The following RPS6KC1 variants were observed in gnomAD, a reference collection of about 807,000 sequenced individuals.
RPS6KC1 encodes the protein inactive ribosomal protein S6 kinase delta-1.
A neutral mutation model predicts 103.8 loss-of-function variants in RPS6KC1; 54 were observed. The ratio of observed to expected loss-of-function variants is 0.52; its 90% CI spans 0.42 to 0.65. The LOEUF (loss-of-function observed/expected upper bound fraction) is 0.65. RPS6KC1 is among the 30% of genes least tolerant of loss of function. The pLI is 0.00. For synonymous variants in RPS6KC1, 439 were observed against 438.7 expected (o/e 1.00, Z -0.01); for missense variants, 1,151 against 1,253.8 (o/e 0.92, Z 1.24).
At chr1:213,486,942 A>T in the RPS6KC1 span, among the ~76,000 whole-genome samples, 1 of 152,250 alleles carries the variant, frequency 6.6e-6, no homozygotes, top group Non-Finnish European at 1.5e-5. Context: ...GTTCTAAGGT[A>T]TAATAGAACA....
At chr1:213,298,297 G>A in the RPS6KC1 span, among the ~76,000 whole-genome samples, 1 of 152,182 alleles carries the variant, frequency 6.6e-6, no homozygotes, top group Non-Finnish European at 1.5e-5. Flanking sequence ...GCTTGGTATA[G>A]CATTTAAACT....
At chr1:213,230,451 G>A in intron 8 of RPS6KC1, 46 bp from the exon 9 acceptor site, 1 of 1,394,982 alleles carries the variant, frequency 7.2e-7, no homozygotes, top group South Asian at 1.2e-5. Flanking sequence ...AAGAGTTAAT[G>A]TTTCATTGTA....
the RPS6KC1 span, among the ~76,000 whole-genome samples, chr1:213,484,341 G>A: frequency 6.6e-6 from 1 of 152,174 alleles, no homozygotes; most frequent in Non-Finnish European, 1.5e-5. Flanking sequence ...TCATCTGAAG[G>A]CTTTAATGGG....
chr1:213,066,945 C>T (rs983538640), intron 1 of RPS6KC1, among the ~76,000 whole-genome samples: 1 of 152,218 alleles, frequency 6.6e-6, no homozygotes, highest in Admixed American at 6.5e-5. Flanking sequence ...CCATTCTCTT[C>T]AAAGTCACCC....
intron 8 of RPS6KC1, among the ~76,000 whole-genome samples, chr1:213,216,987 CA>C (rs1424947529): frequency 1.3e-4 from 19 of 151,712 alleles, no homozygotes; most frequent in Non-Finnish European, 2.5e-4. Flanking sequence ...CAAACACATT[CA>C]AAAGCTAGCA....
At chr1:213,151,962 T>C (rs2089092691) in intron 6 of RPS6KC1, among the ~76,000 whole-genome samples, 2 of 118,708 alleles carry the variant, frequency 1.7e-5, no homozygotes, top group African/African-American at 3.4e-5. Flanking sequence ...ATGGGGCGGC[T>C]GGCCGGGCAG....
chr1:213,214,678 C>T (rs1376049353), intron 8 of RPS6KC1, among the ~76,000 whole-genome samples: 1 of 152,194 alleles, frequency 6.6e-6, no homozygotes, highest in Non-Finnish European at 1.5e-5. Context: ...TGAGACAAAA[C>T]TTCCAGAAGA....
At chr1:213,451,239 T>C in the RPS6KC1 span, among the ~76,000 whole-genome samples, 2 of 152,236 alleles carry the variant, frequency 1.3e-5, no homozygotes, top group Non-Finnish European at 2.9e-5. Flanking sequence ...TTATTTAATG[T>C]TCTGAAATAG....
At chr1:213,436,143 C>T in the RPS6KC1 span, among the ~76,000 whole-genome samples, 1 of 152,288 alleles carries the variant, frequency 6.6e-6, no homozygotes, top group Non-Finnish European at 1.5e-5. Flanking sequence ...GCTGGCTTTC[C>T]AGTCCCTCTG....
At chr1:213,081,360 A>G (rs1046885800) in intron 3 of RPS6KC1, among the ~76,000 whole-genome samples, 2 of 152,148 alleles carry the variant, frequency 1.3e-5, no homozygotes, top group Non-Finnish European at 2.9e-5. Flanking sequence ...GAGAGAGAGG[A>G]GGAGGTGCCA....
chr1:213,534,440 T>C, the RPS6KC1 span, among the ~76,000 whole-genome samples: 1 of 152,190 alleles, frequency 6.6e-6, no homozygotes, highest in Non-Finnish European at 1.5e-5. Flanking sequence ...GATGAGGAAA[T>C]AGCCACAGAG....
At chr1:213,854,562 T>TTCTTTCTTTCTTTCTC in the RPS6KC1 span, among the ~76,000 whole-genome samples, 27 of 122,610 alleles carry the variant, frequency 2.2e-4, no homozygotes, top group East Asian at 9.9e-4. Flanking sequence ...CTTTCTTTCT[T>TTCTTTCTTTCTTTCTC]TCTCTCTCTC....
At chr1:213,579,279 G>A in the RPS6KC1 span, among the ~76,000 whole-genome samples, 29 of 151,944 alleles carry the variant, frequency 1.9e-4, no homozygotes, top group African/African-American at 6.5e-4. Flanking sequence ...CCTGTCTTAG[G>A]TATTTCTTTA....
chr1:213,542,147 C>T, the RPS6KC1 span, among the ~76,000 whole-genome samples: 1 of 152,176 alleles, frequency 6.6e-6, no homozygotes. Flanking sequence ...GACTCTGTGG[C>T]ACAGCATCTC....
chr1:213,782,481 A>G, the RPS6KC1 span, among the ~76,000 whole-genome samples: 1 of 152,150 alleles, frequency 6.6e-6, no homozygotes, highest in Non-Finnish European at 1.5e-5. Context: ...ATGAGGAAGA[A>G]AAGGCTTAGA....
the RPS6KC1 span, among the ~76,000 whole-genome samples, chr1:213,452,325 T>A: frequency 6.7e-6 from 1 of 149,470 alleles, no homozygotes; most frequent in Admixed American, 6.6e-5. Flanking sequence ...CTCTCTGAGC[T>A]CATAACTAGG....
intron 8 of RPS6KC1, among the ~76,000 whole-genome samples, chr1:213,180,513 A>T (rs1014457047): frequency 1.3e-5 from 2 of 152,062 alleles, no homozygotes; most frequent in Non-Finnish European, 2.9e-5. Context: ...CATTTGAGAC[A>T]TTCAAGTGAA....
chr1:213,440,819 C>T, the RPS6KC1 span, among the ~76,000 whole-genome samples: 1 of 152,046 alleles, frequency 6.6e-6, no homozygotes, highest in Non-Finnish European at 1.5e-5. Flanking sequence ...CAGGTCTGCC[C>T]CTGTGCTGAG....
At chr1:213,560,788 G>A in the RPS6KC1 span, among the ~76,000 whole-genome samples, 1 of 152,150 alleles carries the variant, frequency 6.6e-6, no homozygotes, top group Non-Finnish European at 1.5e-5. Flanking sequence ...GGCCCAGATG[G>A]ATGTGGCACA....
Sources: gnomAD v4.1 joint callset for allele counts (sites outside exome capture counted in the v4.1 genomes callset) on GRCh38, gnomAD v4.1.1 for gene constraint, MANE v1.5 for transcripts, NCBI Gene and HGNC (gene_info 2026-07-23, HGNC 2026-07-21) for gene names.